The following ELAVL4 variants were observed in gnomAD, a reference collection of about 807,000 sequenced individuals.
ELAVL4 encodes ELAV like RNA binding protein 4.
Under a neutral mutation model 35.6 loss-of-function variants are expected in ELAVL4, and 1 was observed. The observed-to-expected ratio is 0.03, with a 90% confidence interval of 0.01 to 0.13. The LOEUF (loss-of-function observed/expected upper bound fraction) is 0.13. Among genes scored for constraint, ELAVL4 ranks in the 10% least tolerant of loss-of-function variants. The pLI, the probability that ELAVL4 is intolerant of heterozygous loss-of-function variation, is 1.00. For missense variants in ELAVL4, 267 were observed against 464.9 expected, an observed-to-expected ratio of 0.57 and a Z score of 3.91; for synonymous variants, 156 against 171.0, an observed-to-expected ratio of 0.91 and a Z score of 0.69.
At chr1:50,126,090 G>A (rs921958898) in intron 1 of ELAVL4, among the ~76,000 whole-genome samples, 1 of 152,072 alleles carries the variant, frequency 6.6e-6, no homozygotes, top group Non-Finnish European at 1.5e-5. Flanking sequence ...CCTAGGGTGT[G>A]CATTTTAGGT....
chr1:50,072,771 A>G (rs190548066), intron 1 of ELAVL4, among the ~76,000 whole-genome samples: 1 of 152,322 alleles, frequency 6.6e-6, no homozygotes, highest in East Asian at 1.9e-4. Flanking sequence ...CTTCTACAGC[A>G]CTAGGAGTTG....
chr1:50,085,942 A>T (rs879421937), intron 1 of ELAVL4, among the ~76,000 whole-genome samples: 5 of 152,130 alleles, frequency 3.3e-5, no homozygotes, highest in Non-Finnish European at 7.4e-5. Flanking sequence ...GTGAGGGTAG[A>T]TGTTTTCCCA....
intron 2 of ELAVL4, among the ~76,000 whole-genome samples, chr1:50,158,285 A>G (rs1225652592): frequency 6.6e-6 from 1 of 152,212 alleles, no homozygotes; most frequent in Admixed American, 6.5e-5. Flanking sequence ...ATCTAAGATC[A>G]CACAGCTTCT....
intron 2 of ELAVL4, among the ~76,000 whole-genome samples, chr1:50,172,273 C>T (rs918578915): frequency 1.3e-5 from 2 of 152,144 alleles, no homozygotes; most frequent in African/African-American, 4.8e-5. Context: ...TTATAACCAG[C>T]TATGCTCTCA....
chr1:50,186,012 TAGAC>T (rs1171952991), intron 3 of ELAVL4, among the ~76,000 whole-genome samples: 1 of 151,996 alleles, frequency 6.6e-6, no homozygotes, highest in Non-Finnish European at 1.5e-5. Context: ...GGCCACTAGA[TAGAC>T]AGAGAGAACT....
chr1:50,132,063 A>G (rs7542300), intron 1 of ELAVL4, among the ~76,000 whole-genome samples: 2,373 of 152,266 alleles, frequency 0.016, 69 homozygotes, highest in African/African-American at 0.053. Flanking sequence ...GAGCAGACGT[A>G]AGTATTCCGA....
At chr1:50,126,148 A>T (rs559112879) in intron 1 of ELAVL4, among the ~76,000 whole-genome samples, 1 of 152,268 alleles carries the variant, frequency 6.6e-6, no homozygotes, top group Non-Finnish European at 1.5e-5. Context: ...GAAAAATGAG[A>T]GCTACTTCCC....
At chr1:50,075,179 T>C (rs72686799) in intron 1 of ELAVL4, among the ~76,000 whole-genome samples, 1 of 152,284 alleles carries the variant, frequency 6.6e-6, no homozygotes, top group Non-Finnish European at 1.5e-5. Context: ...TTTAAGACGA[T>C]GTAAGGCCAC....
Position 50,145,062 on chromosome 1 carries a change from G to A in ELAVL4, c.115G>A (p.Ala39Thr), listed in dbSNP as rs752000055. ...RNCPSPMQTG[A>T]TTDDSKTNLI... ...CTGTCCTTCTCCCATGCAAACAGGG[G>A]CAACCACAGATGACAGCAAAACCAA... Residue 39 changes from alanine (A) to threonine (T), a missense_variant, in exon 2 of 7, where the codon GCA (alanine) becomes ACA (threonine). This residue lies in a region of ELAVL4 where 51 missense variants were observed against 55.4 expected (regional missense o/e 0.92). Transcript: ENST00000371824. 2 of 1,613,902 alleles carry A rather than the reference G, an allele frequency of 1.2e-6. No individual in the cohort carries two copies. Among genetic ancestry groups the A allele is most frequent in the East Asian group, 4.5e-5 (2 of 44,830 alleles).
chr1:50,075,452 G>C (rs975679129), intron 1 of ELAVL4, among the ~76,000 whole-genome samples: 2 of 152,136 alleles, frequency 1.3e-5, no homozygotes, highest in Non-Finnish European at 2.9e-5. Context: ...TAAATGCTCT[G>C]TCCTCTTTGT....
intron 1 of ELAVL4, among the ~76,000 whole-genome samples, chr1:50,085,824 A>G (rs2148500569): frequency 6.6e-6 from 1 of 152,324 alleles, no homozygotes; most frequent in East Asian, 1.9e-4. Flanking sequence ...CTTGAACCTG[A>G]CTGTATTTAC....
chr1:50,167,640 C>G (rs778863426), intron 2 of ELAVL4, among the ~76,000 whole-genome samples: 11 of 152,186 alleles, frequency 7.2e-5, no homozygotes, highest in Non-Finnish European at 7.3e-5. Flanking sequence ...GAGTGGAAGT[C>G]CATGTTGCTG....
At chr1:50,078,557 A>G (rs1664867463) in intron 1 of ELAVL4, among the ~76,000 whole-genome samples, 1 of 152,160 alleles carries the variant, frequency 6.6e-6, no homozygotes. Flanking sequence ...GGACTGAACA[A>G]AGGGAACAGA....
intron 1 of ELAVL4, among the ~76,000 whole-genome samples, chr1:50,067,080 T>A (rs1450230024): frequency 6.6e-6 from 1 of 152,122 alleles, no homozygotes; most frequent in Admixed American, 6.5e-5. Context: ...AGAGTGCATG[T>A]TTTTTAAAGG....
intron 1 of ELAVL4, among the ~76,000 whole-genome samples, chr1:50,118,539 C>A (rs1029599627): frequency 3.9e-5 from 6 of 151,910 alleles, no homozygotes; most frequent in Non-Finnish European, 8.8e-5. Context: ...ACCACAAAAG[C>A]CTTGGCGTAG....
intron 1 of ELAVL4, among the ~76,000 whole-genome samples, chr1:50,131,886 TA>T (rs201687977): frequency 0.074 from 10,034 of 134,808 alleles, 431 homozygotes; most frequent in Middle Eastern, 0.17. Context: ...AATTTATGTT[TA>T]AAAAAAAAAA....
chr1:50,195,663 C>T lies in ELAVL4; in HGVS notation c.611C>T (p.Pro204Leu), dbSNP rs756130254. ...NGQKPSGATE[P>L]ITVKFANNPS... ...CAGAAGCCCAGCGGTGCTACGGAAC[C>T]GATTACTGTGAAGTTTGCCAACAAC... is the stretch of plus-strand genomic sequence containing the variant. Residue 204 changes from proline to leucine, a missense_variant, in exon 5 of 7, where the codon CCG (proline) becomes CTG (leucine). Pro to Leu is a moderately conservative substitution (Grantham distance 98, BLOSUM62 -3). Transcript: ENST00000371824. 1.6e-5 allele frequency: 26 copies of T among 1,614,012 alleles called. No individual in the cohort carries two copies. The highest frequency in any genetic ancestry group is 2.7e-5 in the African/African-American group (2 of 74,912).
chr1:50,069,321 T>C (rs1033077555), intron 1 of ELAVL4, among the ~76,000 whole-genome samples: 2 of 152,172 alleles, frequency 1.3e-5, no homozygotes, highest in African/African-American at 4.8e-5. Flanking sequence ...TGATTACCTA[T>C]AGCATTTGTA....
intron 1 of ELAVL4, among the ~76,000 whole-genome samples, chr1:50,059,511 A>G (rs1451760714): frequency 6.6e-6 from 1 of 152,072 alleles, no homozygotes; most frequent in Admixed American, 6.6e-5. Context: ...ACCTACTAGC[A>G]TGGCTATGAT....
Sources: gnomAD v4.1 joint callset for allele counts (sites outside exome capture counted in the v4.1 genomes callset) on GRCh38, gnomAD v4.1.1 for gene constraint, gnomAD v4.1.1 regional missense constraint, MANE v1.5 for transcripts, NCBI Gene and HGNC (gene_info 2026-07-23, HGNC 2026-07-21) for gene names.